PTPRD: variants seen among roughly 807,000 people sequenced by gnomAD.
The protein encoded by PTPRD is protein tyrosine phosphatase receptor type D.
PTPRD carries 34 observed loss-of-function variants against 214.5 expected under a neutral mutation model. The observed-to-expected ratio is 0.16, with a 90% CI of 0.12 to 0.21. The LOEUF (loss-of-function observed/expected upper bound fraction) is 0.21, where lower values mean the gene tolerates loss of function less well. PTPRD is among the 10% of genes least tolerant of loss of function. The pLI, the probability that PTPRD is intolerant of heterozygous loss-of-function variation, is 1.00. For synonymous variants in PTPRD, 1,128 were observed against 845.7 expected (o/e 1.33, Z -5.79); for missense variants, 2,545 against 2,398.7 (o/e 1.06, Z -1.27).
chr9:9,915,608 C>T (rs150058258), intron 5 of PTPRD, among the ~76,000 whole-genome samples: 3 of 149,568 alleles, frequency 2.0e-5, no homozygotes, highest in Non-Finnish European at 4.5e-5. Flanking sequence ...CTATTGAGAA[C>T]TTTAACAACA....
intron 3 of PTPRD, among the ~76,000 whole-genome samples, chr9:10,208,947 A>AG (rs1227303093): frequency 6.6e-6 from 1 of 152,188 alleles, no homozygotes; most frequent in African/African-American, 2.4e-5. Flanking sequence ...GGAGTAGAAA[A>AG]GGTGACAAAA....
chr9:9,694,417 C>G (rs556913813), intron 7 of PTPRD, among the ~76,000 whole-genome samples: 2 of 151,934 alleles, frequency 1.3e-5, no homozygotes, highest in Non-Finnish European at 2.9e-5. Flanking sequence ...TATGGAGTCT[C>G]TCTCTCTGTA....
At chr9:8,835,504 C>T (rs1345840822) in intron 11 of PTPRD, among the ~76,000 whole-genome samples, 4 of 152,146 alleles carry the variant, frequency 2.6e-5, no homozygotes, top group Admixed American at 1.3e-4. Flanking sequence ...CCTTACAGCC[C>T]TTTGCCCTGA....
At chr9:9,456,249 G>T (rs1403980345) in intron 8 of PTPRD, among the ~76,000 whole-genome samples, 1 of 151,822 alleles carries the variant, frequency 6.6e-6, no homozygotes, top group Non-Finnish European at 1.5e-5. Context: ...AACTAAAGGA[G>T]TTAGAGTGGA....
chr9:9,468,780 T>A (rs990612765), intron 8 of PTPRD, among the ~76,000 whole-genome samples: 9 of 152,126 alleles, frequency 5.9e-5, no homozygotes, highest in Non-Finnish European at 4.4e-5. Context: ...TGAAATTAAA[T>A]TATAATTTTA....
chr9:9,191,455 C>CTCCAT (rs1413628120), intron 9 of PTPRD, among the ~76,000 whole-genome samples: 10 of 152,062 alleles, frequency 6.6e-5, no homozygotes, highest in African/African-American at 2.4e-4. Flanking sequence ...ATGCAGCTAC[C>CTCCAT]TCCATTTGTG....
chr9:8,536,320 G>C (rs944239544), intron 14 of PTPRD, among the ~76,000 whole-genome samples: 1 of 151,762 alleles, frequency 6.6e-6, no homozygotes, highest in African/African-American at 2.4e-5. Flanking sequence ...TTTTTAAATG[G>C]CATGGACTAG....
intron 5 of PTPRD, among the ~76,000 whole-genome samples, chr9:9,827,424 T>C (rs2053306723): frequency 6.6e-6 from 1 of 152,142 alleles, no homozygotes; most frequent in Non-Finnish European, 1.5e-5. Flanking sequence ...CCCTATTTAA[T>C]AAATGGTGCT....
At chr9:8,850,294 G>C (rs924348016) in intron 11 of PTPRD, among the ~76,000 whole-genome samples, 1 of 152,066 alleles carries the variant, frequency 6.6e-6, no homozygotes, top group African/African-American at 2.4e-5. Context: ...ATGAGAAGTG[G>C]ATAGACATAT....
intron 11 of PTPRD, chr9:8,857,833 G>A (rs2154544775): frequency 6.4e-6 from 1 of 155,308 alleles, no homozygotes; most frequent in Non-Finnish European, 1.4e-5. Context: ...GGCCAGCCCA[G>A]TCCAGAGCGA....
chr9:9,914,689 T>C (rs982588718), intron 5 of PTPRD, among the ~76,000 whole-genome samples: 1 of 151,846 alleles, frequency 6.6e-6, no homozygotes, highest in African/African-American at 2.4e-5. Flanking sequence ...CATGTGATTG[T>C]ATTCTGAGCT....
chr9:10,161,332 C>G (rs112766003), intron 3 of PTPRD, among the ~76,000 whole-genome samples: 10 of 151,734 alleles, frequency 6.6e-5, no homozygotes, highest in African/African-American at 1.9e-4. Flanking sequence ...TAAATTGTAC[C>G]TGCATAAAAC....
intron 3 of PTPRD, among the ~76,000 whole-genome samples, chr9:10,061,861 G>C (rs2097782296): frequency 1.3e-5 from 2 of 151,986 alleles, no homozygotes; most frequent in African/African-American, 4.8e-5. Context: ...TAACAGTATA[G>C]TCTCTGGACC....
chr9:8,633,962 T>C (rs147861454), intron 13 of PTPRD, among the ~76,000 whole-genome samples: 1 of 152,046 alleles, frequency 6.6e-6, no homozygotes, highest in Non-Finnish European at 1.5e-5. Context: ...AGAAATTGCA[T>C]AAATCTAGTA....
chr9:10,055,358 G>C (rs1052899550), intron 3 of PTPRD, among the ~76,000 whole-genome samples: 1 of 152,072 alleles, frequency 6.6e-6, no homozygotes, highest in East Asian at 1.9e-4. Context: ...ACTATCCATT[G>C]AATACTTACG....
At chr9:8,612,939 C>T (rs2095499578) in intron 14 of PTPRD, among the ~76,000 whole-genome samples, 1 of 152,116 alleles carries the variant, frequency 6.6e-6, no homozygotes, top group Non-Finnish European at 1.5e-5. Flanking sequence ...TTATGAACTA[C>T]TACCGTGCCT....
At chr9:10,060,786 T>C (rs1201148886) in intron 3 of PTPRD, among the ~76,000 whole-genome samples, 1 of 126,836 alleles carries the variant, frequency 7.9e-6, no homozygotes, top group East Asian at 2.0e-4. Context: ...TTTTCTTTCT[T>C]TCTTTCTTTC....
chr9:9,340,063 G>C (rs2046175771), intron 9 of PTPRD, among the ~76,000 whole-genome samples: 1 of 152,112 alleles, frequency 6.6e-6, no homozygotes, highest in African/African-American at 2.4e-5. Flanking sequence ...CAGTAAGAGA[G>C]ATAGATAAAT....
rs531720260 is a variant in PTPRD at position 9,544,448 on chromosome 9, G to A, written c.-237+30284C>T. Among the ~76,000 whole-genome samples the A allele has an allele frequency of 1.2e-4, 18 of 151,336 alleles. No homozygotes were observed. The South Asian group carries it at 3.5e-3, about 30-fold the overall frequency. ...ACACACATTTCTTAACCTTTTTAAG[G>A]TTTAGATTTAATTAAGATATATTTA... On this transcript the variant is annotated intron_variant, in intron 8 of 45. Coordinates refer to ENST00000381196, the MANE Select transcript of PTPRD (RefSeq NM_002839.4).
Sources: allele counts gnomAD v4.1 joint callset (sites outside exome capture counted in the v4.1 genomes callset), GRCh38; gene constraint gnomAD v4.1.1; transcripts MANE v1.5; gene names NCBI Gene and HGNC (gene_info 2026-07-23, HGNC 2026-07-21).